Variants in TF observed in about 807,000 individuals in gnomAD.
The protein encoded by TF is serotransferrin.
TF carries 55 observed loss-of-function variants against 82.4 expected under a neutral mutation model. The ratio of observed to expected loss-of-function variants is 0.67; its 90% CI spans 0.54 to 0.84. TF has a LOEUF of 0.84. TF is among the 40% of genes least tolerant of loss of function. TF has a pLI of 0.00. For synonymous variants in TF, 332 were observed against 332.6 expected, an observed-to-expected ratio of 1.00 and a Z score of 0.02; for missense variants, 737 against 868.4, an observed-to-expected ratio of 0.85 and a Z score of 1.90.
At chr3:133,735,307 T>C in the TF span, among the ~76,000 whole-genome samples, 1 of 148,562 alleles carries the variant, frequency 6.7e-6, no homozygotes, top group Non-Finnish European at 1.5e-5. Flanking sequence ...ACCACTGCAC[T>C]CTAGCCTGAG....
the TF span, among the ~76,000 whole-genome samples, chr3:133,677,405 G>A: frequency 2.0e-5 from 3 of 152,284 alleles, no homozygotes; most frequent in African/African-American, 4.8e-5. Context: ...TTGGGAAGCC[G>A]AGGTGGGTGG....
chr3:133,667,602 T>C, the TF span, among the ~76,000 whole-genome samples: 1 of 151,692 alleles, frequency 6.6e-6, no homozygotes, highest in East Asian at 1.9e-4. Context: ...GGTTTGAAAA[T>C]TATGTCTAGG....
At chr3:133,688,992 T>C in the TF span, among the ~76,000 whole-genome samples, 1 of 152,190 alleles carries the variant, frequency 6.6e-6, no homozygotes, top group Non-Finnish European at 1.5e-5. Context: ...GAAAATTATT[T>C]CTGGAAAAAT....
chr3:133,730,527 A>T, the TF span, among the ~76,000 whole-genome samples: 1 of 152,222 alleles, frequency 6.6e-6, no homozygotes, highest in African/African-American at 2.4e-5. Flanking sequence ...CACAGACCTG[A>T]GGCAGGAGCC....
the TF span, among the ~76,000 whole-genome samples, chr3:133,736,705 TA>T: frequency 4.9e-5 from 7 of 142,700 alleles, no homozygotes; most frequent in African/African-American, 1.8e-4. Context: ...CAACAAAGAT[TA>T]AAAAAAAGAC....
intron 16 of TF, chr3:133,777,521 A>G (rs1444545151): frequency 2.6e-6 from 1 of 387,232 alleles, no homozygotes; most frequent in African/African-American, 2.0e-5. Flanking sequence ...TGTACATGCC[A>G]TTGCTCTGCA....
intron 6 of TF, 119 bp from the exon 7 acceptor site, chr3:133,756,712 C>T (rs1303852898): frequency 7.8e-7 from 1 of 1,289,360 alleles, no homozygotes; most frequent in Non-Finnish European, 1.1e-6. Flanking sequence ...GTTCTCTGGC[C>T]TTCAGTGCTC....
At chr3:133,752,686 G>T (rs767658522) in intron 2 of TF, among the ~76,000 whole-genome samples, 3 of 152,156 alleles carry the variant, frequency 2.0e-5, no homozygotes, top group African/African-American at 7.2e-5. Context: ...ACAGTGTAAT[G>T]ATAAGAAATA....
rs1297963381 is a variant in TF at position 133,746,437 on chromosome 3, G to A, written c.-4G>A. 1 of 1,600,078 alleles carries A rather than the reference G, an allele frequency of 6.2e-7. No individual in the cohort carries two copies. Among genetic ancestry groups the A allele is most frequent in the Non-Finnish European group, 8.5e-7 (1 of 1,176,374 alleles). On this transcript the variant is annotated 5_prime_UTR_variant, in exon 1 of 17. Transcript: ENST00000402696. ...TGCTCGCTGCTCAGCGCCGCACCCG[G>A]AAGATGAGGCTCGCCGTGGGAGCCC...
chr3:133,682,874 T>C, the TF span, among the ~76,000 whole-genome samples: 3 of 152,056 alleles, frequency 2.0e-5, no homozygotes, highest in Non-Finnish European at 4.4e-5. Context: ...AAGATACTCC[T>C]CAAGAAAAGC....
At chr3:133,726,727 C>G in the TF span, among the ~76,000 whole-genome samples, 11 of 152,128 alleles carry the variant, frequency 7.2e-5, no homozygotes, top group African/African-American at 2.4e-4. Context: ...TCTTGCATTT[C>G]TAGTTGTTTT....
the TF span, among the ~76,000 whole-genome samples, chr3:133,668,017 C>T: frequency 6.6e-6 from 1 of 152,224 alleles, no homozygotes; most frequent in Non-Finnish European, 1.5e-5. Context: ...TTATTCTTCT[C>T]TGTTGCTATC....
chr3:133,716,827 T>C, the TF span, among the ~76,000 whole-genome samples: 1 of 152,218 alleles, frequency 6.6e-6, no homozygotes, highest in East Asian at 1.9e-4. Context: ...TCTACTTCTT[T>C]CCCTGTGCAC....
At chr3:133,770,715 A>G in intron 14 of TF, 143 bp downstream of exon 14, 1 of 1,011,410 alleles carries the variant, frequency 9.9e-7, no homozygotes, top group Admixed American at 1.9e-5. Flanking sequence ...TGCTCAGTGA[A>G]GAGAGACATG....
At chr3:133,720,021 TA>T in the TF span, among the ~76,000 whole-genome samples, 1 of 152,174 alleles carries the variant, frequency 6.6e-6, no homozygotes, top group Admixed American at 6.5e-5. Flanking sequence ...GGGTTGTCTT[TA>T]TATAGGATTA....
the TF span, among the ~76,000 whole-genome samples, chr3:133,726,912 T>C: frequency 6.6e-6 from 1 of 152,294 alleles, no homozygotes; most frequent in Admixed American, 6.5e-5. Context: ...CATTTTGTTA[T>C]GTACCCAGTA....
chr3:133,718,436 T>C, the TF span, among the ~76,000 whole-genome samples: 2 of 152,146 alleles, frequency 1.3e-5, no homozygotes, highest in Non-Finnish European at 2.9e-5. Flanking sequence ...GGAGGGATGC[T>C]GAGAAAAAGC....
Position 133,782,610 on chromosome 3 carries a change from CA to C in TF, c.*3994del. On this transcript the variant is annotated 3_prime_UTR_variant, in exon 17 of 17. Transcript: ENST00000402696. Reference sequence around the variant, plus strand: ...CTCAAATACAGGTATACAGAGATAACAAAACCTGAGGTGGAGGAGGGTGGAG... The same window carrying C: ...CTCAAATACAGGTATACAGAGATAACAAACCTGAGGTGGAGGAGGGTGGAG... 6.6e-6 allele frequency: 1 copy of C among 151,924 alleles called. No homozygotes were observed. Among genetic ancestry groups the C allele is most frequent in the Admixed American group, 6.6e-5 (1 of 15,254 alleles). 9.4% of individuals were successfully genotyped at this position (151,924 alleles called of 1,614,324 possible). A position where few individuals can be genotyped will look rare whatever the true frequency, so the allele number is the denominator to read the frequency against.
At position 133,748,607 on chromosome 3, in the gene TF, A is replaced by G. The variant is rs775281730; in HGVS notation, c.216+23A>G. On this transcript the variant is annotated intron_variant, in intron 2 of 16. Coordinates refer to ENST00000402696, the MANE Select transcript of TF (RefSeq NM_001063.4). ...GCGGTAAGTCGCTGCTGCCTAAAAGAGAGTGGAAGAAAGCCATACTTTCTC... is the reference window on the plus strand; with the variant it reads ...GCGGTAAGTCGCTGCTGCCTAAAAGGGAGTGGAAGAAAGCCATACTTTCTC... The G allele has an allele frequency of 1.9e-6, 3 of 1,613,522 alleles. No homozygotes were observed. The African/African-American group carries it at 4.0e-5, about 22-fold the overall frequency.
Sources: allele counts gnomAD v4.1 joint callset (sites outside exome capture counted in the v4.1 genomes callset), GRCh38; gene constraint gnomAD v4.1.1; transcripts MANE v1.5; gene names NCBI Gene and HGNC (gene_info 2026-07-23, HGNC 2026-07-21).